Variants in AMPD2 observed in about 807,000 individuals in gnomAD.
The protein encoded by AMPD2 is AMP deaminase 2.
AMPD2 carries 52 observed loss-of-function variants against 91.3 expected under a neutral mutation model. The observed-to-expected ratio is 0.57, with a 90% CI of 0.46 to 0.72. AMPD2 has a LOEUF of 0.72. AMPD2 is among the 30% of genes least tolerant of loss of function. AMPD2 has a pLI of 0.00. For missense variants in AMPD2, 822 were observed against 1,122.3 expected (o/e 0.73, Z 3.82); for synonymous variants, 455 against 456.4 (o/e 1.00, Z 0.04).
chr1:109,628,020 A>C lies in AMPD2; in HGVS notation c.1081-63A>C. 3 of 1,597,516 alleles carry C rather than the reference A, an allele frequency of 1.9e-6. No individual in the cohort carries two copies. The highest frequency in any genetic ancestry group is 2.6e-6 in the Non-Finnish European group (3 of 1,170,456). On this transcript the variant is annotated intron_variant, in intron 10 of 18. Transcript: ENST00000528667. This position sits in a 1 kb window ranked among gnomAD's most constrained non-coding sequence, Gnocchi z 7.1. The stretch of plus-strand genomic sequence containing the variant: ...AGTACAGAGGGTCCTTTCCCATTGC[A>C]CTGCCCCAGGCCCCAGACCTTCCTG...
intron 9 of AMPD2, 81 bp downstream of exon 9, chr1:109,627,599 C>T: frequency 1.3e-6 from 2 of 1,557,214 alleles, no homozygotes; most frequent in Non-Finnish European, 1.8e-6. Context: ...AGACTCCCAT[C>T]ACCTGGTGTC....
rs770237797 is a variant in AMPD2, at chr1:109,631,268, A to C, written c.*116A>C. The C allele has an allele frequency of 5.6e-6, 6 of 1,063,026 alleles. No individual in the cohort carries two copies. The highest frequency in any genetic ancestry group is 8.4e-6 in the Non-Finnish European group (6 of 716,536). The allele number at this position is 1,063,026 out of a possible 1,614,324, so 65.8% of individuals were successfully genotyped here. ...CCATTCTTCTCTGTCTCTGTCTTGC[A>C]TGTCTCCTACCATGTCACTGTCCCT... On this transcript the variant is annotated 3_prime_UTR_variant, in exon 19 of 19. Transcript: ENST00000528667.
In AMPD2 at chr1:109,620,929, G is replaced by A; in HGVS notation, c.-247G>A. 10 of 1,496,772 alleles carry A rather than the reference G, an allele frequency of 6.7e-6. No homozygotes were observed. The highest frequency in any genetic ancestry group is 7.1e-6 in the Non-Finnish European group (8 of 1,123,206). The allele number at this position is 1,496,772 out of a possible 1,614,324, so 92.7% of individuals were successfully genotyped here. On this transcript the variant is annotated 5_prime_UTR_variant, in exon 2 of 19. Transcript: ENST00000528667. Reference sequence around the variant, plus strand: ...CCCCCGCCAGGCCCAGCCACCATCAGTCACGTCACTCCTGGGACTGAGGAG... The same window carrying A: ...CCCCCGCCAGGCCCAGCCACCATCAATCACGTCACTCCTGGGACTGAGGAG...
rs771064043 is a variant in AMPD2, at chr1:109,630,739, C to T, written c.2214C>T (p.Cys738=). The T allele has an allele frequency of 1.9e-6, 3 of 1,612,024 alleles. No individual in the cohort carries two copies. Among genetic ancestry groups the T allele is most frequent in the Non-Finnish European group, 1.7e-6 (2 of 1,179,380 alleles). The change falls in exon 18 of 19, where the codon TGC becomes TGT. Residue 738 remains cysteine (C), a synonymous_variant. Coordinates refer to ENST00000528667, the MANE Select transcript of AMPD2 (RefSeq NM_001368809.2). ...IATQVWKLSS[C]DMCELARNSV... is the part of the protein sequence containing the mutation. Reference sequence around the variant, plus strand: ...CCCAGGTGTGGAAGCTCAGCTCCTGCGATATGTGTGAGCTGGCCCGCAACA... The same window carrying T: ...CCCAGGTGTGGAAGCTCAGCTCCTGTGATATGTGTGAGCTGGCCCGCAACA...
chr1:109,626,301 T>C lies in AMPD2; in HGVS notation c.423-18T>C. The stretch of plus-strand genomic sequence containing the variant: ...TTCTGCCGGCTCTAAACCCCTCCCT[T>C]GAATGCACCCCCTGCAGGCTCTACA... On this transcript the variant is annotated intron_variant, in intron 5 of 18. Transcript: ENST00000528667. 6.2e-7 allele frequency: 1 copy of C among 1,612,680 alleles called. No individual in the cohort carries two copies. Among genetic ancestry groups the C allele is most frequent in the East Asian group, 2.2e-5 (1 of 44,814 alleles).
chr1:109,626,210 A>G lies in AMPD2; in HGVS notation c.404A>G (p.Asp135Gly). The G allele has an allele frequency of 6.2e-7, 1 of 1,614,136 alleles. No individual in the cohort carries two copies. The highest frequency in any genetic ancestry group is 8.5e-7 in the Non-Finnish European group (1 of 1,180,012). The stretch of plus-strand genomic sequence containing the variant: ...GCCAAGCAAGATTTCCTGAAGACGG[A>G]CAGTGACTCGGACCTACAGTGAGGA... ...LRAKQDFLKT[D>G]SDSDLQLYKE... The change falls in exon 5 of 19, where the codon GAC becomes GGC. Residue 135 changes from aspartate to glycine, a missense_variant. Asp to Gly is a moderately conservative substitution (Grantham distance 94). Transcript: ENST00000528667.
In AMPD2 at chr1:109,626,320, C is replaced by A. The variant is rs2101157157; in HGVS notation, c.424C>A (p.Leu142Ile). Reference protein sequence around the residue: ...LKTDSDSDLQLYKEQGEGQGD... With the variant: ...LKTDSDSDLQIYKEQGEGQGD... ...CTCCCTTGAATGCACCCCCTGCAGG[C>A]TCTACAAGGAACAGGGTGAGGGGCA... Residue 142 changes from leucine (L) to isoleucine (I), a missense_variant and splice_region_variant, in exon 6 of 19, where the codon CTC becomes ATC. Leu to Ile is a conservative substitution (Grantham distance 5). Coordinates refer to ENST00000528667, the MANE Select transcript of AMPD2 (RefSeq NM_001368809.2). 1 of 1,613,612 alleles carries A rather than the reference C, an allele frequency of 6.2e-7. No individual in the cohort carries two copies. The highest frequency in any genetic ancestry group is 8.5e-7 in the Non-Finnish European group (1 of 1,179,662).
chr1:109,629,695 T>A, intron 15 of AMPD2, 101 bp from the exon 16 acceptor site: 1 of 1,498,490 alleles, frequency 6.7e-7, no homozygotes, highest in Middle Eastern at 2.2e-4. Context: ...CCTGCATAGT[T>A]ATTGGCTGGA....
At position 109,628,919 on chromosome 1, in the gene AMPD2, G is replaced by A; in HGVS notation, c.1571+113G>A. On this transcript the variant is annotated intron_variant, in intron 13 of 18. Transcript: ENST00000528667. The surrounding 1 kb of genome is among the most constrained non-coding windows in gnomAD (Gnocchi z 7.1). ...CTCCCTTGTCCCTGCCAACCCCTCTGAGTGCAAGGAAGGGCTTCCTGGTCC... is the reference window on the plus strand; with the variant it reads ...CTCCCTTGTCCCTGCCAACCCCTCTAAGTGCAAGGAAGGGCTTCCTGGTCC... 6.9e-7 allele frequency: 1 copy of A among 1,455,244 alleles called. No individual in the cohort carries two copies. The highest frequency in any genetic ancestry group is 2.5e-5 in the East Asian group (1 of 40,190). 90.1% of individuals were successfully genotyped at this position (1,455,244 alleles called of 1,614,324 possible).
At chr1:109,627,012 C>T in intron 7 of AMPD2, 100 bp downstream of exon 7, 1 of 1,545,760 alleles carries the variant, frequency 6.5e-7, no homozygotes, top group Non-Finnish European at 8.8e-7. Context: ...CTCCCTACAA[C>T]CCAGGCTCAT....
chr1:109,629,254 G>A lies in AMPD2; in HGVS notation c.1698+19G>A. 1 of 1,614,138 alleles carries A rather than the reference G, an allele frequency of 6.2e-7. No homozygotes were observed. Among genetic ancestry groups the A allele is most frequent in the Non-Finnish European group, 8.5e-7 (1 of 1,180,016 alleles). On this transcript the variant is annotated intron_variant, in intron 14 of 18. Coordinates refer to ENST00000528667, the MANE Select transcript of AMPD2 (RefSeq NM_001368809.2). The stretch of plus-strand genomic sequence containing the variant: ...AGAGCACGTGAGCAGGCAGCGCAGA[G>A]CTGGGTATGGGGAGGGCAGCCGGCT...
chr1:109,625,204 C>T lies in AMPD2; in HGVS notation c.92-99C>T. 11 of 1,515,688 alleles carry T rather than the reference C, an allele frequency of 7.3e-6. No individual in the cohort carries two copies. Among genetic ancestry groups the T allele is most frequent in the Non-Finnish European group, 9.8e-6 (11 of 1,122,890 alleles). The allele number at this position is 1,515,688 out of a possible 1,614,324, so 93.9% of individuals were successfully genotyped here. ...GAGGAGGGACTGCCCTCTTTCCCGACCCTGGGCTCTCTCGGGAGCTGGCCT... is the reference window on the plus strand; with the variant it reads ...GAGGAGGGACTGCCCTCTTTCCCGATCCTGGGCTCTCTCGGGAGCTGGCCT... On this transcript the variant is annotated intron_variant, in intron 2 of 18. Transcript: ENST00000528667. The surrounding 1 kb of genome is among the most constrained non-coding windows in gnomAD (Gnocchi z 4.0).
In AMPD2 at chr1:109,628,308, G is replaced by C; in HGVS notation, c.1275+31G>C. 6.2e-7 allele frequency: 1 copy of C among 1,613,066 alleles called. No homozygotes were observed. Among genetic ancestry groups the C allele is most frequent in the South Asian group, 1.1e-5 (1 of 91,032 alleles). ...TGCCAGTGGCGTGGGCTGTGGGACT[G>C]AGTCAGTCAGGGGACCAGGAGTCAC... On this transcript the variant is annotated intron_variant, in intron 11 of 18. Coordinates refer to ENST00000528667, the MANE Select transcript of AMPD2 (RefSeq NM_001368809.2). This position sits in a 1 kb window ranked among gnomAD's most constrained non-coding sequence, Gnocchi z 7.1.
rs767525100 is a variant in AMPD2, at chr1:109,628,618, C to G, written c.1408-25C>G. 11 of 1,611,774 alleles carry G rather than the reference C, an allele frequency of 6.8e-6. No individual in the cohort carries two copies. The African/African-American group carries it at 1.3e-4, about 20-fold the overall frequency. ...AGCTCTGACTCAGCTCACCTCATGT[C>G]TGACTCAGCTCACCTCATGTCTAGG... On this transcript the variant is annotated intron_variant, in intron 12 of 18. Transcript: ENST00000528667. This position sits in a 1 kb window ranked among gnomAD's most constrained non-coding sequence, Gnocchi z 7.1.
intron 1 of AMPD2, 117 bp downstream of exon 1, chr1:109,620,395 C>A: frequency 6.7e-7 from 1 of 1,493,912 alleles, no homozygotes; most frequent in East Asian, 2.3e-5. Flanking sequence ...AGGCGGTCAG[C>A]TCCTCCCAGG....
Position 109,628,550 on chromosome 1 carries a change from AG to A in AMPD2, c.1407+60del. The A allele has an allele frequency of 6.2e-7, 1 of 1,612,434 alleles. No individual in the cohort carries two copies. The highest frequency in any genetic ancestry group is 8.5e-7 in the Non-Finnish European group (1 of 1,179,512). ...CGAGCCTGAGGATCTGGGGGCTTTT[AG>A]GGGGTGAGACTCAAGGAGGGTAGGC... On this transcript the variant is annotated intron_variant, in intron 12 of 18. Coordinates refer to ENST00000528667, the MANE Select transcript of AMPD2 (RefSeq NM_001368809.2). This position sits in a 1 kb window ranked among gnomAD's most constrained non-coding sequence, Gnocchi z 7.1.
rs1557930508 is a variant in AMPD2, at chr1:109,625,598, ACT to A, written c.223-61_223-60del. 3.7e-6 allele frequency: 6 copies of A among 1,600,362 alleles called. No homozygotes were observed. The Middle Eastern group carries it at 5.0e-4, about 133-fold the overall frequency. On this transcript the variant is annotated intron_variant, in intron 3 of 18. Transcript: ENST00000528667. This position sits in a 1 kb window ranked among gnomAD's most constrained non-coding sequence, Gnocchi z 4.0. ...CCTGCTGCCCTCACCCCATCCCCAG[ACT>A]CTGTAGGAGAGTGCCCGAGGGCGGA...
At chr1:109,627,996 G>C in intron 10 of AMPD2, 87 bp from the exon 11 acceptor site, 3 of 1,599,904 alleles carry the variant, frequency 1.9e-6, no homozygotes, top group African/African-American at 2.7e-5. Flanking sequence ...ACAGCATCCA[G>C]TACAGAGGGT....
In AMPD2 at chr1:109,625,932, C is replaced by A; in HGVS notation, c.353+140C>A. The A allele has an allele frequency of 7.2e-7, 1 of 1,382,722 alleles. No individual in the cohort carries two copies. Among genetic ancestry groups the A allele is most frequent in the Non-Finnish European group, 9.8e-7 (1 of 1,019,088 alleles). 85.7% of individuals were successfully genotyped at this position (1,382,722 alleles called of 1,614,324 possible). On this transcript the variant is annotated intron_variant, in intron 4 of 18. Coordinates refer to ENST00000528667, the MANE Select transcript of AMPD2 (RefSeq NM_001368809.2). This position sits in a 1 kb window ranked among gnomAD's most constrained non-coding sequence, Gnocchi z 4.0. ...TAGAGTGGGCTTTGGAGTCGGGCTG[C>A]TGGGTTCTGTTCTGTCTTCTAGCCG...
Sources: gnomAD v4.1 joint callset for allele counts on GRCh38, gnomAD v4.1.1 for gene constraint, Gnocchi (gnomAD v3.1) non-coding constraint, MANE v1.5 for transcripts, NCBI Gene and HGNC (gene_info 2026-07-23, HGNC 2026-07-21) for gene names.